The following ZNF804B variants were observed in gnomAD, a reference collection of about 807,000 sequenced individuals.
ZNF804B encodes zinc finger protein 804B, also known as zinc finger 804B.
In ZNF804B, 80 loss-of-function variants were observed where a neutral mutation model predicts 101.4. That is an observed-to-expected ratio of 0.79 (90% CI 0.66 to 0.95). The LOEUF (loss-of-function observed/expected upper bound fraction) is 0.95. Among genes scored for constraint, ZNF804B ranks in the 40% least tolerant of loss-of-function variants. The probability of loss-of-function intolerance (pLI) is 0.00; values close to 1 mark genes in which losing one functional copy is unlikely to be tolerated. For synonymous variants in ZNF804B, 622 were observed against 558.8 expected (o/e 1.11, Z -1.59); for missense variants, 1,673 against 1,561.9 (o/e 1.07, Z -1.20).
At chr7:88,859,752 A>G (rs998617804) in intron 1 of ZNF804B, among the ~76,000 whole-genome samples, 1 of 151,946 alleles carries the variant, frequency 6.6e-6, no homozygotes, top group African/African-American at 2.4e-5. Flanking sequence ...ATGCATATGG[A>G]AATATAGTGT....
intron 1 of ZNF804B, among the ~76,000 whole-genome samples, chr7:89,166,253 C>A (rs1473474575): frequency 6.6e-6 from 1 of 152,118 alleles, no homozygotes; most frequent in East Asian, 1.9e-4. Context: ...GTACATTTAA[C>A]CTTTGAGCAA....
At chr7:89,292,268 A>G (rs1461379565) in intron 2 of ZNF804B, among the ~76,000 whole-genome samples, 1 of 152,168 alleles carries the variant, frequency 6.6e-6, no homozygotes, top group Non-Finnish European at 1.5e-5. Flanking sequence ...TAACACTGCA[A>G]CTGTGGTGTA....
At chr7:88,986,733 A>G (rs182779742) in intron 1 of ZNF804B, among the ~76,000 whole-genome samples, 1 of 152,048 alleles carries the variant, frequency 6.6e-6, no homozygotes, top group Admixed American at 6.6e-5. Flanking sequence ...ATTTGTCCTT[A>G]TCATGGCCTA....
chr7:88,892,038 A>G (rs1330083473), intron 1 of ZNF804B, among the ~76,000 whole-genome samples: 1 of 152,102 alleles, frequency 6.6e-6, no homozygotes, highest in Non-Finnish European at 1.5e-5. Context: ...CAATATTTTT[A>G]CCATCTTTCT....
chr7:88,843,821 A>G (rs990065396), intron 1 of ZNF804B, among the ~76,000 whole-genome samples: 1 of 152,202 alleles, frequency 6.6e-6, no homozygotes. Flanking sequence ...CACAATGGCA[A>G]TTGTAATATT....
intron 1 of ZNF804B, among the ~76,000 whole-genome samples, chr7:89,037,511 C>T (rs1389520541): frequency 6.6e-6 from 1 of 151,146 alleles, no homozygotes; most frequent in Non-Finnish European, 1.5e-5. Flanking sequence ...GCCTTATTGA[C>T]CTATAATTGA....
At chr7:89,215,697 C>T (rs369436198) in intron 1 of ZNF804B, among the ~76,000 whole-genome samples, 1 of 149,960 alleles carries the variant, frequency 6.7e-6, no homozygotes, top group Non-Finnish European at 1.5e-5. Flanking sequence ...TCCTGGCTAA[C>T]ACGGTGAAAT....
chr7:89,309,084 C>T (rs1433465483), intron 2 of ZNF804B, among the ~76,000 whole-genome samples: 2 of 152,178 alleles, frequency 1.3e-5, no homozygotes, highest in Non-Finnish European at 2.9e-5. Flanking sequence ...ATGATCCCAT[C>T]ATCCAAGTAG....
At chr7:88,854,414 C>CTTCCTTTCTTTCTTTCTTT (rs1791502231) in intron 1 of ZNF804B, among the ~76,000 whole-genome samples, 1 of 57,078 alleles carries the variant, frequency 1.8e-5, no homozygotes, top group Admixed American at 2.0e-4. Context: ...TTTCTTTCTT[C>CTTCCTTTCTTTCTTTCTTT]CTTTCTTTCT....
chr7:88,860,325 G>C (rs949888411), intron 1 of ZNF804B, among the ~76,000 whole-genome samples: 3 of 152,016 alleles, frequency 2.0e-5, no homozygotes, highest in Non-Finnish European at 4.4e-5. Context: ...TAATTTTTCA[G>C]TTGTTTGCTT....
At chr7:88,766,671 A>T (rs370166440) in intron 1 of ZNF804B, among the ~76,000 whole-genome samples, 1 of 152,140 alleles carries the variant, frequency 6.6e-6, no homozygotes, top group African/African-American at 2.4e-5. Flanking sequence ...TCTATTTCCA[A>T]TGACTCTCGT....
In ZNF804B at chr7:89,299,635, TCA is replaced by T. The variant is rs1790446448; in HGVS notation, c.250-27707_250-27706del. 1.3e-5 allele frequency among the ~76,000 whole-genome samples: 2 copies of T among 152,072 alleles called. 1 individual carries two copies. The highest frequency in any genetic ancestry group is 4.1e-4 in the South Asian group (2 of 4,836). On this transcript the variant is annotated intron_variant, in intron 2 of 3. Coordinates refer to ENST00000333190, the MANE Select transcript of ZNF804B (RefSeq NM_181646.5). ...TTCAGAGTGCTTTTCAGCAATTTAC[TCA>T]CTTTGGGAATATCTAGTTTTCTTTG...
chr7:89,166,075 G>C (rs1162503840), intron 1 of ZNF804B, among the ~76,000 whole-genome samples: 1 of 152,094 alleles, frequency 6.6e-6, no homozygotes, highest in African/African-American at 2.4e-5. Context: ...TTGTGAAAAA[G>C]ACTTTCTAGA....
At chr7:88,809,773 CAT>C (rs1790754074) in intron 1 of ZNF804B, among the ~76,000 whole-genome samples, 1 of 152,164 alleles carries the variant, frequency 6.6e-6, no homozygotes, top group Admixed American at 6.5e-5. Context: ...AGTCAACACA[CAT>C]AGTTAGTTAA....
chr7:89,266,070 A>C (rs1197756726), intron 2 of ZNF804B, among the ~76,000 whole-genome samples: 1 of 152,156 alleles, frequency 6.6e-6, no homozygotes, highest in Non-Finnish European at 1.5e-5. Context: ...ATAATTTATC[A>C]GAGAATTTGA....
intron 1 of ZNF804B, among the ~76,000 whole-genome samples, chr7:88,827,691 G>A (rs1227979115): frequency 6.6e-6 from 1 of 151,710 alleles, no homozygotes; most frequent in East Asian, 1.9e-4. Flanking sequence ...TGCCCACCTC[G>A]TTTTCCCTCC....
At chr7:88,934,022 T>G (rs894896906) in intron 1 of ZNF804B, among the ~76,000 whole-genome samples, 2 of 150,914 alleles carry the variant, frequency 1.3e-5, no homozygotes, top group Non-Finnish European at 2.9e-5. Context: ...CAAACTATAC[T>G]ACATGGCTAT....
At chr7:89,091,726 C>CA (rs1789891030) in intron 1 of ZNF804B, among the ~76,000 whole-genome samples, 1 of 152,162 alleles carries the variant, frequency 6.6e-6, no homozygotes, top group Non-Finnish European at 1.5e-5. Flanking sequence ...TAACCACCTA[C>CA]AAGGATTCAG....
At chr7:89,108,299 G>A (rs1790165980) in intron 1 of ZNF804B, among the ~76,000 whole-genome samples, 1 of 151,658 alleles carries the variant, frequency 6.6e-6, no homozygotes, top group African/African-American at 2.4e-5. Context: ...AGTACACGGA[G>A]GGAAGAACAT....
Sources: allele counts gnomAD v4.1 joint callset (sites outside exome capture counted in the v4.1 genomes callset), GRCh38; gene constraint gnomAD v4.1.1; transcripts MANE v1.5; gene names NCBI Gene and HGNC (gene_info 2026-07-23, HGNC 2026-07-21).